The following LRIG1 variants were observed in gnomAD, a reference collection of about 807,000 sequenced individuals.
LRIG1 encodes leucine-rich repeats and immunoglobulin-like domains protein 1.
Under a neutral mutation model 99.2 loss-of-function variants are expected in LRIG1, and 48 were observed. That is an observed-to-expected ratio of 0.48 (90% CI 0.38 to 0.62). LRIG1 has a LOEUF of 0.62. Ranked by LOEUF, LRIG1 falls within the 20% of genes least tolerant of loss-of-function variation. The probability of loss-of-function intolerance (pLI) is 0.00; values close to 1 mark genes in which losing one functional copy is unlikely to be tolerated. For missense variants in LRIG1, 1,646 were observed against 1,434.4 expected (o/e 1.15, Z -2.38); for synonymous variants, 772 against 596.1 (o/e 1.29, Z -4.30).
intron 3 of LRIG1, among the ~76,000 whole-genome samples, chr3:66,442,812 A>G (rs545359386): frequency 6.6e-6 from 1 of 152,242 alleles, no homozygotes; most frequent in Admixed American, 6.5e-5. Context: ...GAGTTTCCAA[A>G]AGAGGCAGTG....
chr3:66,475,591 C>A (rs1019913371), intron 1 of LRIG1, among the ~76,000 whole-genome samples: 2 of 152,244 alleles, frequency 1.3e-5, no homozygotes, highest in African/African-American at 4.8e-5. Flanking sequence ...AAACATGACT[C>A]TGCGAAACTG....
rs758051357 is a variant in LRIG1, at chr3:66,380,357, G to A, written c.3188C>T (p.Pro1063Leu). ...CTCGGGACTGGCGTCACATGCTTTGGGGAGGTGGCCATTGGAAACAAGCAA... is the reference window on the plus strand; with the variant it reads ...CTCGGGACTGGCGTCACATGCTTTGAGGAGGTGGCCATTGGAAACAAGCAA... ...QYLLVSNGHL[P>L]KACDASPEST... The change falls in exon 19 of 19, where the codon CCC (proline) becomes CTC (leucine). Residue 1063 changes from proline (P) to leucine (L), a missense_variant. Pro to Leu is a moderately conservative substitution (Grantham distance 98). Transcript: ENST00000273261. The A allele has an allele frequency of 7.4e-6, 12 of 1,614,188 alleles. No homozygotes were observed. Among genetic ancestry groups the A allele is most frequent in the African/African-American group, 1.3e-5 (1 of 75,044 alleles).
chr3:66,455,168 C>T (rs940812888), intron 2 of LRIG1, among the ~76,000 whole-genome samples: 3 of 152,210 alleles, frequency 2.0e-5, no homozygotes, highest in Non-Finnish European at 2.9e-5. Flanking sequence ...TGGTCTCGAA[C>T]TCCTGACCTC....
At chr3:66,403,201 T>C (rs1702130096) in intron 9 of LRIG1, among the ~76,000 whole-genome samples, 1 of 152,178 alleles carries the variant, frequency 6.6e-6, no homozygotes, top group African/African-American at 2.4e-5. Context: ...AGCAGGAGTT[T>C]ATGGAATCCA....
chr3:66,500,209 G>A lies in LRIG1; in HGVS notation c.199C>T (p.Pro67Ser). The A allele has an allele frequency of 6.6e-7, 1 of 1,515,290 alleles. No homozygotes were observed. Among genetic ancestry groups the A allele is most frequent in the African/African-American group, 1.4e-5 (1 of 70,328 alleles). 93.9% of individuals were successfully genotyped at this position (1,515,290 alleles called of 1,614,324 possible). A position where few individuals can be genotyped will look rare whatever the true frequency, so the allele number is the denominator to read the frequency against. The change falls in exon 1 of 19, where the codon CCC becomes TCC. Residue 67 changes from proline to serine, a missense_variant. Transcript: ENST00000273261. The stretch of plus-strand genomic sequence containing the variant: ...ACTCACAGGCTCCGCGTCCAGGAGG[G>A]CAGGTCCCCGGGCAACGCAGCCAGC... Reference protein sequence around the residue: ...RGLAALPGDLPSWTRSLNLSY... With the variant: ...RGLAALPGDLSSWTRSLNLSY...
chr3:66,454,031 G>A (rs2106815313), intron 2 of LRIG1, among the ~76,000 whole-genome samples: 1 of 152,288 alleles, frequency 6.6e-6, no homozygotes, highest in South Asian at 2.1e-4. Flanking sequence ...GCTTAACTGG[G>A]CCTTCTATGT....
chr3:66,395,071 A>G (rs1459260867), intron 11 of LRIG1, among the ~76,000 whole-genome samples: 1 of 152,224 alleles, frequency 6.6e-6, no homozygotes, highest in African/African-American at 2.4e-5. Flanking sequence ...TCACTTGAAG[A>G]TAAGTCAACC....
intron 11 of LRIG1, among the ~76,000 whole-genome samples, chr3:66,394,800 G>A (rs746266277): frequency 7.2e-5 from 11 of 152,086 alleles, no homozygotes; most frequent in African/African-American, 1.2e-4. Flanking sequence ...AATAAGCCCC[G>A]TCACTGTGCC....
intron 2 of LRIG1, 81 bp from the exon 3 acceptor site, chr3:66,451,714 C>T (rs1042962631): frequency 3.9e-5 from 40 of 1,018,244 alleles, no homozygotes; most frequent in Non-Finnish European, 5.0e-5. Context: ...AATAAACAAA[C>T]GCTGCTAAGT....
At chr3:66,396,336 G>A (rs541826446) in intron 11 of LRIG1, among the ~76,000 whole-genome samples, 3 of 152,324 alleles carry the variant, frequency 2.0e-5, no homozygotes, top group East Asian at 1.9e-4. Flanking sequence ...CAGCGCCATC[G>A]GCTCTACTGC....
At chr3:66,414,561 G>A (rs1351323675) in intron 5 of LRIG1, among the ~76,000 whole-genome samples, 1 of 152,198 alleles carries the variant, frequency 6.6e-6, no homozygotes, top group Non-Finnish European at 1.5e-5. Context: ...CCAAGGTACA[G>A]ATTTTACGGG....
intron 1 of LRIG1, among the ~76,000 whole-genome samples, chr3:66,485,530 C>A (rs1171220629): frequency 6.6e-6 from 1 of 152,182 alleles, no homozygotes; most frequent in Non-Finnish European, 1.5e-5. Context: ...AATTATCTAA[C>A]GATTCATCAG....
intron 3 of LRIG1, among the ~76,000 whole-genome samples, chr3:66,446,159 T>C (rs1181524188): frequency 6.6e-6 from 1 of 152,102 alleles, no homozygotes; most frequent in South Asian, 2.1e-4. Context: ...AGTTAAGTAT[T>C]CCTATTGACT....
intron 1 of LRIG1, among the ~76,000 whole-genome samples, chr3:66,480,713 C>G (rs925582592): frequency 1.3e-5 from 2 of 152,182 alleles, no homozygotes; most frequent in Admixed American, 1.3e-4. Context: ...AAAACCTCAG[C>G]TAGAGTTTAC....
Position 66,383,248 on chromosome 3 carries a change from G to A in LRIG1, c.2225C>T (p.Thr742Ile). Reference protein sequence around the residue: ...PLSLTERHHLTPDNQLLVVQN... With the variant: ...PLSLTERHHLIPDNQLLVVQN... Reference sequence around the variant, plus strand: ...AACCACCAGGAGCTGGTTGTCAGGGGTCAAGTGGTGCCGCTCAGTGAGGCT... The same window carrying A: ...AACCACCAGGAGCTGGTTGTCAGGGATCAAGTGGTGCCGCTCAGTGAGGCT... Residue 742 changes from threonine (T) to isoleucine (I), a missense_variant, in exon 15 of 19, where the codon ACC (threonine) becomes ATC (isoleucine). Physicochemically the swap from Thr to Ile is moderately conservative, Grantham distance 89. Transcript: ENST00000273261. 1.2e-6 allele frequency: 2 copies of A among 1,614,200 alleles called. No homozygotes were observed. The highest frequency in any genetic ancestry group is 1.7e-6 in the Non-Finnish European group (2 of 1,180,012).
chr3:66,436,080 G>A (rs1213919212), intron 3 of LRIG1, among the ~76,000 whole-genome samples: 1 of 152,214 alleles, frequency 6.6e-6, no homozygotes, highest in African/African-American at 2.4e-5. Flanking sequence ...TTTAGGAAAG[G>A]GCTGAGGGCT....
intron 1 of LRIG1, among the ~76,000 whole-genome samples, chr3:66,472,209 C>A (rs184201062): frequency 8.9e-5 from 13 of 145,826 alleles, no homozygotes; most frequent in Non-Finnish European, 1.5e-4. Flanking sequence ...GAGGCTGAGG[C>A]AGGAGAATGG....
chr3:66,429,994 A>T (rs1703114113), intron 3 of LRIG1, among the ~76,000 whole-genome samples: 1 of 152,224 alleles, frequency 6.6e-6, no homozygotes, highest in Non-Finnish European at 1.5e-5. Context: ...ACCGGCTAGG[A>T]ATTTTTAGTC....
At chr3:66,440,939 C>T (rs1362438235) in intron 3 of LRIG1, among the ~76,000 whole-genome samples, 1 of 152,186 alleles carries the variant, frequency 6.6e-6, no homozygotes. Context: ...AAAATGCCCC[C>T]TCTCTATAAA....
Sources: allele counts gnomAD v4.1 joint callset (sites outside exome capture counted in the v4.1 genomes callset), GRCh38; gene constraint gnomAD v4.1.1; transcripts MANE v1.5; gene names NCBI Gene and HGNC (gene_info 2026-07-23, HGNC 2026-07-21).